The following PLEKHG4B variants were observed in gnomAD, a reference collection of about 807,000 sequenced individuals.
PLEKHG4B encodes pleckstrin homology and RhoGEF domain containing G4B, also known as pleckstrin homology domain-containing family G member 4B.
A neutral mutation model predicts 121.3 loss-of-function variants in PLEKHG4B; 111 were observed. The ratio of observed to expected loss-of-function variants is 0.92; its 90% CI spans 0.78 to 1.07. The LOEUF (loss-of-function observed/expected upper bound fraction) is 1.07, where lower values mean the gene tolerates loss of function less well. Among genes scored for constraint, PLEKHG4B ranks in the 50% least tolerant of loss-of-function variants. The pLI, the probability that PLEKHG4B is intolerant of heterozygous loss-of-function variation, is 0.00. For missense variants in PLEKHG4B, 1,831 were observed against 1,757.8 expected, an observed-to-expected ratio of 1.04 and a Z score of -0.74; for synonymous variants, 738 against 725.0, an observed-to-expected ratio of 1.02 and a Z score of -0.29.
chr5:172,343 G>A (rs771958331), intron 16 of PLEKHG4B, among the ~76,000 whole-genome samples: 5 of 152,228 alleles, frequency 3.3e-5, no homozygotes, highest in Non-Finnish European at 7.3e-5. Context: ...GGACAGCCTG[G>A]TGGGCACGGC....
chr5:130,142 T>G (rs1734736916), intron 2 of PLEKHG4B, among the ~76,000 whole-genome samples: 1 of 151,268 alleles, frequency 6.6e-6, no homozygotes, highest in Non-Finnish European at 1.5e-5. Flanking sequence ...AAGCAAAGAG[T>G]GACACCACAA....
intron 7 of PLEKHG4B, among the ~76,000 whole-genome samples, chr5:154,509 G>T (rs1735704713): frequency 6.6e-6 from 1 of 152,032 alleles, no homozygotes; most frequent in Admixed American, 6.6e-5. Context: ...GGGCTTTCAG[G>T]AAACTCTCCT....
rs1306290747 is a variant in PLEKHG4B at position 159,776 on chromosome 5, C to T, written c.2488-2007C>T. Among the ~76,000 whole-genome samples, 1 of 152,176 alleles carries T rather than the reference C, an allele frequency of 6.6e-6. No individual in the cohort carries two copies. Among genetic ancestry groups the T allele is most frequent in the African/African-American group, 2.4e-5 (1 of 41,446 alleles). On this transcript the variant is annotated intron_variant, in intron 11 of 19. Transcript: ENST00000637938. This position sits in a 1 kb window ranked among gnomAD's most constrained non-coding sequence, Gnocchi z 5.5. ...TGGCCGTAGCTCAGTGTTCACCTGC[C>T]AGGGAACAGACCCTGGGCCCTGTGG...
chr5:142,932 C>T, intron 3 of PLEKHG4B, 115 bp from the exon 4 acceptor site: 4 of 991,148 alleles, frequency 4.0e-6, no homozygotes, highest in Non-Finnish European at 6.2e-6. Context: ...TTTCTCGGAA[C>T]CCCCTACTTT....
chr5:154,348 C>G (rs1476576449), intron 7 of PLEKHG4B, among the ~76,000 whole-genome samples: 1 of 152,130 alleles, frequency 6.6e-6, no homozygotes, highest in Non-Finnish European at 1.5e-5. Flanking sequence ...AAGCCACCTG[C>G]TGTCAAAAGG....
chr5:177,809 G>A lies in PLEKHG4B; in HGVS notation c.4403-3705G>A, dbSNP rs150477882. Reference sequence around the variant, plus strand: ...GCTGGGCTGCCCGTGTGCACAGTGCGCACCTTTCCCTTGGGATGTGAGGAT... The same window carrying A: ...GCTGGGCTGCCCGTGTGCACAGTGCACACCTTTCCCTTGGGATGTGAGGAT... On this transcript the variant is annotated intron_variant, in intron 18 of 19. Coordinates refer to ENST00000637938, the MANE Select transcript of PLEKHG4B (RefSeq NM_052909.5). Among the ~76,000 whole-genome samples, 618 of 152,306 alleles carry A rather than the reference G, an allele frequency of 4.1e-3. 5 individuals are homozygous for A. Among genetic ancestry groups the A allele is most frequent in the African/African-American group, 0.013 (550 of 41,538 alleles).
intron 2 of PLEKHG4B, among the ~76,000 whole-genome samples, chr5:128,957 G>A (rs1461474678): frequency 1.3e-5 from 2 of 152,180 alleles, no homozygotes; most frequent in Non-Finnish European, 2.9e-5. Context: ...ACCAGCATTA[G>A]TATTAAAATA....
At chr5:108,305 C>T (rs1012207156) in intron 1 of PLEKHG4B, among the ~76,000 whole-genome samples, 1 of 152,232 alleles carries the variant, frequency 6.6e-6, no homozygotes, top group Non-Finnish European at 1.5e-5. Flanking sequence ...AGGCACACTC[C>T]CTTCCTTCCC....
At position 182,249 on chromosome 5, in the gene PLEKHG4B, C is replaced by T; in HGVS notation, c.4810C>T (p.Leu1604=). The change falls in exon 20 of 20, where the codon CTA becomes TTA. Residue 1604 remains leucine (L), a synonymous_variant. Coordinates refer to ENST00000637938, the MANE Select transcript of PLEKHG4B (RefSeq NM_052909.5). ...CVEEDEPEPE[L]ETGTQAAVCE... ...CGAGGAAGATGAGCCAGAGCCAGAA[C>T]TAGAGACGGGCACCCAGGCTGCAGT... is the stretch of plus-strand genomic sequence containing the variant. 6.2e-7 allele frequency: 1 copy of T among 1,613,576 alleles called. No individual in the cohort carries two copies. Among genetic ancestry groups the T allele is most frequent in the South Asian group, 1.1e-5 (1 of 91,080 alleles).
intron 13 of PLEKHG4B, 121 bp downstream of exon 13, chr5:163,669 G>C (rs1736133268): frequency 1.2e-6 from 1 of 832,148 alleles, no homozygotes. Context: ...CATCCCTCTG[G>C]GTCCACCTGT....
chr5:121,205 C>T (rs2126368472), intron 2 of PLEKHG4B, among the ~76,000 whole-genome samples: 1 of 151,752 alleles, frequency 6.6e-6, no homozygotes, highest in Non-Finnish European at 1.5e-5. Flanking sequence ...CGAGATCGTG[C>T]CACTGCACTC....
intron 1 of PLEKHG4B, among the ~76,000 whole-genome samples, chr5:98,601 ATTTG>A (rs1244397163): frequency 1.3e-4 from 13 of 102,624 alleles, no homozygotes; most frequent in Non-Finnish European, 2.1e-4. Context: ...TGCCTGGCTA[ATTTG>A]TGTGTGTGTG....
At chr5:142,483 A>G (rs189506912) in intron 3 of PLEKHG4B, among the ~76,000 whole-genome samples, 2 of 151,542 alleles carry the variant, frequency 1.3e-5, no homozygotes, top group Non-Finnish European at 2.9e-5. Flanking sequence ...AGAGTTACAC[A>G]TATCACACAC....
At chr5:160,928 G>C (rs950419712) in intron 11 of PLEKHG4B, among the ~76,000 whole-genome samples, 1 of 152,126 alleles carries the variant, frequency 6.6e-6, no homozygotes, top group Non-Finnish European at 1.5e-5. Flanking sequence ...CTTGACTCTG[G>C]CTCTGTTTAC....
chr5:166,608 A>ACACTAATGCTCTGACGG (rs1579317950), intron 13 of PLEKHG4B, among the ~76,000 whole-genome samples: 7 of 152,094 alleles, frequency 4.6e-5, no homozygotes, highest in Non-Finnish European at 7.4e-5. Context: ...GGCGGAGCTC[A>ACACTAATGCTCTGACGG]GGTGGCAACA....
Position 144,881 on chromosome 5 carries a change from A to C in PLEKHG4B, c.1866A>C (p.Pro622=). 1 of 1,613,288 alleles carries C rather than the reference A, an allele frequency of 6.2e-7. No homozygotes were observed. Among genetic ancestry groups the C allele is most frequent in the East Asian group, 2.2e-5 (1 of 44,898 alleles). ...TCCTGGTGGATGCACGCAGGAGTCC[A>C]GCTGCCCCTGCCGTCTCCCAGGCCC... The part of the protein sequence containing the change: ...LVVLVDARRS[P]AAPAVSQALS... Residue 622 remains proline (P), a synonymous_variant, in exon 6 of 20, where the codon CCA becomes CCC. Coordinates refer to ENST00000637938, the MANE Select transcript of PLEKHG4B (RefSeq NM_052909.5).
intron 1 of PLEKHG4B, among the ~76,000 whole-genome samples, chr5:94,963 C>G (rs1159535274): frequency 6.6e-6 from 1 of 152,196 alleles, no homozygotes; most frequent in African/African-American, 2.4e-5. Flanking sequence ...CAAGGAAACA[C>G]AGTTGCATTC....
chr5:165,764 TCACA>T, intron 13 of PLEKHG4B, among the ~76,000 whole-genome samples: 1 of 21,668 alleles, frequency 4.6e-5, no homozygotes, highest in African/African-American at 2.0e-4. Flanking sequence ...GGGGCGGGGC[TCACA>T]GTAATCCTCT....
intron 2 of PLEKHG4B, among the ~76,000 whole-genome samples, chr5:116,561 G>T (rs561112805): frequency 3.9e-5 from 6 of 152,334 alleles, no homozygotes; most frequent in African/African-American, 1.4e-4. Flanking sequence ...TGTTTAGTCT[G>T]TTTCTTGGGA....
Sources: allele counts gnomAD v4.1 joint callset (sites outside exome capture counted in the v4.1 genomes callset), GRCh38; gene constraint gnomAD v4.1.1; non-coding constraint Gnocchi (gnomAD v3.1); transcripts MANE v1.5; gene names NCBI Gene and HGNC (gene_info 2026-07-23, HGNC 2026-07-21).